Variants in MKNK1 observed in about 807,000 individuals in gnomAD.
MKNK1 encodes the protein MAPK interacting serine/threonine kinase 1.
A neutral mutation model predicts 49.3 loss-of-function variants in MKNK1; 30 were observed. The ratio of observed to expected loss-of-function variants is 0.61; its 90% confidence interval spans 0.46 to 0.83. The LOEUF is 0.83. Ranked by LOEUF, MKNK1 falls within the 40% of genes least tolerant of loss-of-function variation. The pLI is 0.00. For synonymous variants in MKNK1, 176 were observed against 201.7 expected, an observed-to-expected ratio of 0.87 and a Z score of 1.08; for missense variants, 423 against 524.7, an observed-to-expected ratio of 0.81 and a Z score of 1.89.
intron 8 of MKNK1, chr1:46,565,453 A>AGG (rs1432400525): frequency 3.5e-5 from 13 of 371,104 alleles, no homozygotes; most frequent in Non-Finnish European, 5.1e-5. Context: ...CACAGCAGCT[A>AGG]GGGAAGTTAC....
chr1:46,586,170 A>G (rs1173199026), intron 2 of MKNK1: 5 of 340,892 alleles, frequency 1.5e-5, no homozygotes, highest in Non-Finnish European at 2.9e-5. Context: ...TCATGCAAAC[A>G]CTCATGGGAT....
At chr1:46,601,078 A>G (rs761126235) in intron 1 of MKNK1, among the ~76,000 whole-genome samples, 3 of 152,130 alleles carry the variant, frequency 2.0e-5, no homozygotes, top group Non-Finnish European at 4.4e-5. Flanking sequence ...CACCATGCAC[A>G]GCTAATTTTT....
rs1237250013 is a variant in MKNK1 at position 46,557,664 on chromosome 1, C to T, written c.*911G>A. 1 of 152,544 alleles carries T rather than the reference C, an allele frequency of 6.6e-6. No homozygotes were observed. The highest frequency in any genetic ancestry group is 1.5e-5 in the Non-Finnish European group (1 of 68,038). The allele number at this position is 152,544 out of a possible 1,614,324, so 9.4% of individuals were successfully genotyped here. A position where few individuals can be genotyped will look rare whatever the true frequency, so the allele number is the denominator to read the frequency against. Reference sequence around the variant, plus strand: ...ATCTAACTGCCCAGATCTGTGCCACCCACACAAGACCTGGGGACACAGCAG... The same window carrying T: ...ATCTAACTGCCCAGATCTGTGCCACTCACACAAGACCTGGGGACACAGCAG... On this transcript the variant is annotated 3_prime_UTR_variant, in exon 13 of 13. Transcript: ENST00000371945.
Position 46,583,209 on chromosome 1 carries a change from G to C in MKNK1, c.100+19C>G, listed in dbSNP as rs753774715. ...TTGGGAAGCTGCAGGCCCAGATATA[G>C]GGAAGTTGTGTGACCAACCTTCAAA... is the stretch of plus-strand genomic sequence containing the variant. On this transcript the variant is annotated intron_variant, in intron 3 of 12. Transcript: ENST00000371945. 44 of 1,604,338 alleles carry C rather than the reference G, an allele frequency of 2.7e-5. 1 individual carries two copies. The highest frequency in any genetic ancestry group is 2.2e-4 in the South Asian group (20 of 90,550).
intron 1 of MKNK1, among the ~76,000 whole-genome samples, chr1:46,603,682 T>C (rs1162410946): frequency 6.6e-6 from 1 of 152,218 alleles, no homozygotes; most frequent in Admixed American, 6.5e-5. Flanking sequence ...CTGCCTCTGA[T>C]CTGCCACTGT....
chr1:46,582,807 T>C lies in MKNK1; in HGVS notation c.100+421A>G, dbSNP rs562401250. ...GCTACAATCTGAGAGACAAATTCTCTGCTTACAGGAGACTGAAGTTTCATT... is the reference window on the plus strand; with the variant it reads ...GCTACAATCTGAGAGACAAATTCTCCGCTTACAGGAGACTGAAGTTTCATT... On this transcript the variant is annotated intron_variant, in intron 3 of 12. Transcript: ENST00000371945. 100 of 450,126 alleles carry C rather than the reference T, an allele frequency of 2.2e-4. 1 individual carries two copies. Among genetic ancestry groups the C allele is most frequent in the African/African-American group, 1.9e-3 (95 of 49,690 alleles). The allele number at this position is 450,126 out of a possible 1,614,324, so 27.9% of individuals were successfully genotyped here.
intron 8 of MKNK1, among the ~76,000 whole-genome samples, chr1:46,565,964 A>C (rs1197957022): frequency 6.6e-6 from 1 of 151,710 alleles, no homozygotes; most frequent in Non-Finnish European, 1.5e-5. Context: ...TTAGCCTCTT[A>C]TTAGTGGTAA....
intron 1 of MKNK1, among the ~76,000 whole-genome samples, chr1:46,602,414 A>C (rs1461145684): frequency 6.6e-6 from 1 of 152,180 alleles, no homozygotes; most frequent in Non-Finnish European, 1.5e-5. Context: ...TCCATCTCAA[A>C]AAAAAAGGAG....
At position 46,599,107 on chromosome 1, in the gene MKNK1, T is replaced by C. The variant is rs114012122; in HGVS notation, c.-170-4827A>G. Among the ~76,000 whole-genome samples, 263 of 152,340 alleles carry C rather than the reference T, an allele frequency of 1.7e-3. 4 individuals carry two copies. The highest frequency in any genetic ancestry group is 5.6e-3 in the African/African-American group (233 of 41,576). On this transcript the variant is annotated intron_variant, in intron 1 of 12. Coordinates refer to ENST00000371945, the MANE Select transcript of MKNK1 (RefSeq NM_001135553.4). ...TCTGATATGGCTTCCCCAGATCAGCTGTGGCTCTGGAAAGCAACCCAACGA... is the reference window on the plus strand; with the variant it reads ...TCTGATATGGCTTCCCCAGATCAGCCGTGGCTCTGGAAAGCAACCCAACGA...
At chr1:46,598,349 G>C (rs1674337780) in intron 1 of MKNK1, among the ~76,000 whole-genome samples, 1 of 152,100 alleles carries the variant, frequency 6.6e-6, no homozygotes, top group East Asian at 1.9e-4. Context: ...ACGAGCCACT[G>C]ATTTTTATTG....
rs1307151238 is a variant in MKNK1, at chr1:46,581,581, G to T, written c.101-954C>A. On this transcript the variant is annotated intron_variant, in intron 3 of 12. Transcript: ENST00000371945. Reference sequence around the variant, plus strand: ...AGGATCATCAGAGGAGAAGTGGTATGATTTGAATGAATATTCATTTACTCA... The same window carrying T: ...AGGATCATCAGAGGAGAAGTGGTATTATTTGAATGAATATTCATTTACTCA... Among the ~76,000 whole-genome samples the T allele has an allele frequency of 3.4e-5, 5 of 148,570 alleles. No homozygotes were observed. In the East Asian group the frequency reaches 1.0e-3, roughly 30 times the overall value.
chr1:46,566,996 A>T (rs368172708), intron 8 of MKNK1, among the ~76,000 whole-genome samples: 5 of 152,212 alleles, frequency 3.3e-5, no homozygotes, highest in African/African-American at 1.2e-4. Context: ...CTTAAGAGAC[A>T]GGGGTCTCAC....
chr1:46,603,155 C>T (rs1191934853), intron 1 of MKNK1, among the ~76,000 whole-genome samples: 1 of 152,232 alleles, frequency 6.6e-6, no homozygotes, highest in Non-Finnish European at 1.5e-5. Flanking sequence ...ATTTCCTCTT[C>T]ACATCACTTC....
intron 8 of MKNK1, chr1:46,568,167 G>A: frequency 8.5e-6 from 3 of 353,822 alleles, no homozygotes; most frequent in South Asian, 1.1e-4. Flanking sequence ...CTGATATAAA[G>A]ATAGATGCAT....
At chr1:46,562,547 A>G in intron 10 of MKNK1, 102 bp downstream of exon 10, 1 of 1,329,474 alleles carries the variant, frequency 7.5e-7, no homozygotes, top group Non-Finnish European at 1.0e-6. Context: ...ATGAGCCCCC[A>G]TCCCGATCAG....
Position 46,589,144 on chromosome 1 carries a change from C to T in MKNK1, c.-3+4969G>A, listed in dbSNP as rs1673014886. 1.3e-5 allele frequency among the ~76,000 whole-genome samples: 2 copies of T among 152,238 alleles called. No homozygotes were observed. The highest frequency in any genetic ancestry group is 4.8e-5 in the African/African-American group (2 of 41,462). ...AGTATAAGAGAAGACACAGTCTCTT[C>T]CCTGATGGCGTTTAAATCTGCTGCT... is the stretch of plus-strand genomic sequence containing the variant. On this transcript the variant is annotated intron_variant, in intron 2 of 12. Transcript: ENST00000371945. This position sits in a 1 kb window ranked among gnomAD's most constrained non-coding sequence, Gnocchi z 4.3.
At chr1:46,583,859 G>T (rs746110529) in intron 2 of MKNK1, among the ~76,000 whole-genome samples, 1 of 152,176 alleles carries the variant, frequency 6.6e-6, no homozygotes, top group Non-Finnish European at 1.5e-5. Context: ...TAGGGCTGGG[G>T]TTCAAAATAG....
At chr1:46,594,804 G>A in intron 1 of MKNK1, 1 of 381,754 alleles carries the variant, frequency 2.6e-6, no homozygotes, top group South Asian at 1.9e-5. Flanking sequence ...AGACCAGCCT[G>A]GGCAACATGG....
chr1:46,601,403 G>C (rs1674716986), intron 1 of MKNK1, among the ~76,000 whole-genome samples: 1 of 152,246 alleles, frequency 6.6e-6, no homozygotes, highest in Admixed American at 6.5e-5. Context: ...CTGGTCCCCA[G>C]ATGGGAGGAA....
Sources: gnomAD v4.1 joint callset for allele counts (sites outside exome capture counted in the v4.1 genomes callset) on GRCh38, gnomAD v4.1.1 for gene constraint, Gnocchi (gnomAD v3.1) non-coding constraint, MANE v1.5 for transcripts, NCBI Gene and HGNC (gene_info 2026-07-23, HGNC 2026-07-21) for gene names.